Variants in SNX2 observed in about 807,000 individuals in gnomAD.
SNX2 encodes sorting nexin-2.
Under a neutral mutation model 69.9 loss-of-function variants are expected in SNX2, and 25 were observed. The observed-to-expected ratio is 0.36, with a 90% CI of 0.26 to 0.50. The LOEUF is 0.50. Ranked by LOEUF, SNX2 falls within the 20% of genes least tolerant of loss-of-function variation. The probability of loss-of-function intolerance (pLI) is 0.97; values close to 1 mark genes in which losing one functional copy is unlikely to be tolerated. For missense variants in SNX2, 551 were observed against 613.3 expected (o/e 0.90, Z 1.07); for synonymous variants, 229 against 200.4 (o/e 1.14, Z -1.20).
chr5:122,812,621 C>G lies in SNX2; in HGVS notation c.723-3275C>G, dbSNP rs1191006872. Among the ~76,000 whole-genome samples, 4 of 152,186 alleles carry G rather than the reference C, an allele frequency of 2.6e-5. No homozygotes were observed. The South Asian group carries it at 8.3e-4, about 31-fold the overall frequency. ...TGTCTTTTTTTCCCATAGCTTTTGC[C>G]ACCTTGTCACATGCTTTATCATTTG... On this transcript the variant is annotated intron_variant, in intron 7 of 14. Coordinates refer to ENST00000379516, the MANE Select transcript of SNX2 (RefSeq NM_003100.4).
intron 3 of SNX2, among the ~76,000 whole-genome samples, chr5:122,801,652 CGT>C (rs61189602): frequency 0.28 from 36,511 of 131,918 alleles, 5,066 homozygotes; most frequent in South Asian, 0.46. Flanking sequence ...TGGTCTTTTT[CGT>C]GTGTGTGTGT....
chr5:122,816,508 T>C (rs1753903055), intron 8 of SNX2, among the ~76,000 whole-genome samples: 1 of 152,148 alleles, frequency 6.6e-6, no homozygotes. Flanking sequence ...TTTAAAAAAC[T>C]CAAAATTACA....
intron 11 of SNX2, among the ~76,000 whole-genome samples, chr5:122,820,338 C>T (rs1581645391): frequency 6.6e-6 from 1 of 152,076 alleles, no homozygotes; most frequent in South Asian, 2.1e-4. Flanking sequence ...GAGATCAAGA[C>T]CATCCTGGCC....
intron 11 of SNX2, among the ~76,000 whole-genome samples, chr5:122,823,449 A>G (rs1055921612): frequency 9.8e-5 from 15 of 152,294 alleles, no homozygotes; most frequent in African/African-American, 2.9e-4. Flanking sequence ...CTAGAATACT[A>G]TGAGATAATA....
At position 122,821,406 on chromosome 5, in the gene SNX2, C is replaced by T. The variant is rs193290366; in HGVS notation, c.1212+2383C>T. Among the ~76,000 whole-genome samples, 8 of 152,048 alleles carry T rather than the reference C, an allele frequency of 5.3e-5. No homozygotes were observed. The South Asian group carries it at 8.3e-4, about 16-fold the overall frequency. Reference sequence around the variant, plus strand: ...TGTAGTGTTCTTTGTCTGCTTTTTACACCCACTCCACTTAATAGGGCGGTC... The same window carrying T: ...TGTAGTGTTCTTTGTCTGCTTTTTATACCCACTCCACTTAATAGGGCGGTC... On this transcript the variant is annotated intron_variant, in intron 11 of 14. Coordinates refer to ENST00000379516, the MANE Select transcript of SNX2 (RefSeq NM_003100.4).
intron 1 of SNX2, among the ~76,000 whole-genome samples, chr5:122,779,803 G>T (rs1752931572): frequency 6.6e-6 from 1 of 152,098 alleles, no homozygotes; most frequent in South Asian, 2.1e-4. Flanking sequence ...AGGTAAATGT[G>T]TGCCATGGTG....
chr5:122,816,426 A>G (rs1753901182), intron 8 of SNX2, among the ~76,000 whole-genome samples: 1 of 152,124 alleles, frequency 6.6e-6, no homozygotes, highest in Non-Finnish European at 1.5e-5. Flanking sequence ...TGTTTGGTAT[A>G]TTTTTGGCTC....
At chr5:122,784,212 T>C (rs1158134793) in intron 1 of SNX2, among the ~76,000 whole-genome samples, 1 of 135,682 alleles carries the variant, frequency 7.4e-6, no homozygotes, top group Non-Finnish European at 1.7e-5. Flanking sequence ...TCTTTATACC[T>C]TTTTTTTTTT....
chr5:122,795,381 C>G lies in SNX2; in HGVS notation c.224C>G (p.Ala75Gly). 1 of 1,588,708 alleles carries G rather than the reference C, an allele frequency of 6.3e-7. No homozygotes were observed. Among genetic ancestry groups the G allele is most frequent in the Non-Finnish European group, 8.6e-7 (1 of 1,158,118 alleles). ...VLDDDREDLF[A>G]EATEEVSLDS... The stretch of plus-strand genomic sequence containing the variant: ...GATGATGACAGAGAAGATCTTTTTG[C>G]AGGTAATTGTCATGTATTTATTTTT... The change falls in exon 2 of 15, where the codon GCA (alanine) becomes GGA (glycine). Residue 75 changes from alanine to glycine, a missense_variant and splice_region_variant. Physicochemically the swap from Ala to Gly is moderately conservative, Grantham distance 60. This residue lies in a region of SNX2 where 191 missense variants were observed against 162.9 expected (regional missense o/e 1.17). Coordinates refer to ENST00000379516, the MANE Select transcript of SNX2 (RefSeq NM_003100.4).
At chr5:122,787,953 ATC>A (rs1325419843) in intron 1 of SNX2, among the ~76,000 whole-genome samples, 5 of 152,230 alleles carry the variant, frequency 3.3e-5, no homozygotes, top group Admixed American at 6.5e-5. Context: ...GGAAAAAATA[ATC>A]TGTTTTATTT....
intron 2 of SNX2, among the ~76,000 whole-genome samples, chr5:122,798,168 T>A (rs1281325164): frequency 6.6e-6 from 1 of 152,034 alleles, no homozygotes; most frequent in African/African-American, 2.4e-5. Context: ...ACTGCTTTTT[T>A]TTTACTTTAT....
intron 1 of SNX2, among the ~76,000 whole-genome samples, chr5:122,781,720 C>G (rs1202133574): frequency 1.3e-5 from 2 of 152,002 alleles, no homozygotes; most frequent in Non-Finnish European, 2.9e-5. Flanking sequence ...GCTGGTCTTG[C>G]TAGCAAGAAC....
chr5:122,828,133 T>G (rs1754199842), intron 14 of SNX2: 1 of 152,232 alleles, frequency 6.6e-6, no homozygotes, highest in Admixed American at 6.5e-5. Flanking sequence ...TGGATTTTAA[T>G]GGTATATTAA....
chr5:122,775,107 G>A lies in SNX2; in HGVS notation c.4G>A (p.Ala2Thr). 1.3e-6 allele frequency: 2 copies of A among 1,586,050 alleles called. No individual in the cohort carries two copies. The highest frequency in any genetic ancestry group is 2.3e-5 in the East Asian group (1 of 43,894). Residue 2 changes from alanine to threonine, a missense_variant, in exon 1 of 15, where the codon GCG becomes ACG. Transcript: ENST00000379516. ...GCAGTCGTTCGGGTGAGCGAAGATG[G>A]CGGCCGAGAGGGAACCTCCTCCGCT... Reference protein sequence around the residue: MAAEREPPPLGD... With the variant: MTAEREPPPLGD...
At chr5:122,795,633 G>C (rs1753360101) in intron 2 of SNX2, 1 of 306,932 alleles carries the variant, frequency 3.3e-6, no homozygotes, top group South Asian at 8.5e-5. Flanking sequence ...TTTGATTGGG[G>C]GCAGTATTTA....
Position 122,828,981 on chromosome 5 carries a change from C to T in SNX2, c.1510-617C>T, listed in dbSNP as rs962811036. Reference sequence around the variant, plus strand: ...TAAAAATACAAAAAAATTAGCTGGGCGTGGTGGCGCACCTGTAATCCCAGC... The same window carrying T: ...TAAAAATACAAAAAAATTAGCTGGGTGTGGTGGCGCACCTGTAATCCCAGC... On this transcript the variant is annotated intron_variant, in intron 14 of 14. Coordinates refer to ENST00000379516, the MANE Select transcript of SNX2 (RefSeq NM_003100.4). Among the ~76,000 whole-genome samples, 14 of 151,760 alleles carry T rather than the reference C, an allele frequency of 9.2e-5. No homozygotes were observed. The East Asian group carries it at 1.2e-3, about 13-fold the overall frequency.
intron 1 of SNX2, among the ~76,000 whole-genome samples, chr5:122,791,605 C>T (rs765019351): frequency 9.9e-5 from 15 of 151,692 alleles, no homozygotes; most frequent in Admixed American, 5.3e-4. Flanking sequence ...TTAGTAGAGA[C>T]GAGATTTTTC....
intron 1 of SNX2, chr5:122,775,660 G>C: frequency 1.0e-6 from 1 of 987,220 alleles, no homozygotes; most frequent in South Asian, 4.7e-5. Context: ...CTGAGGGGCC[G>C]AGGGTCTGTG....
At chr5:122,819,102 C>A in intron 11 of SNX2, 79 bp downstream of exon 11, 1 of 1,131,008 alleles carries the variant, frequency 8.8e-7, no homozygotes, top group Non-Finnish European at 1.3e-6. Context: ...TATGTATTTA[C>A]ATGTCTAAAT....
Sources: gnomAD v4.1 joint callset for allele counts (sites outside exome capture counted in the v4.1 genomes callset) on GRCh38, gnomAD v4.1.1 for gene constraint, gnomAD v4.1.1 regional missense constraint, MANE v1.5 for transcripts, NCBI Gene and HGNC (gene_info 2026-07-23, HGNC 2026-07-21) for gene names.